The following GRM7 variants were observed in gnomAD, a reference collection of about 807,000 sequenced individuals.
The protein encoded by GRM7 is metabotropic glutamate receptor 7.
A neutral mutation model predicts 84.5 loss-of-function variants in GRM7; 35 were observed. That is an observed-to-expected ratio of 0.41 (90% CI 0.32 to 0.55). The LOEUF (loss-of-function observed/expected upper bound fraction) is 0.55, where lower values mean the gene tolerates loss of function less well. Ranked by LOEUF, GRM7 falls within the 20% of genes least tolerant of loss-of-function variation. The probability of loss-of-function intolerance (pLI) is 0.19; values close to 1 mark genes in which losing one functional copy is unlikely to be tolerated. For synonymous variants in GRM7, 487 were observed against 455.1 expected (o/e 1.07, Z -0.89); for missense variants, 1,003 against 1,194.6 (o/e 0.84, Z 2.36).
chr3:7,645,436 A>G (rs947553536), intron 8 of GRM7, among the ~76,000 whole-genome samples: 2 of 150,730 alleles, frequency 1.3e-5, no homozygotes, highest in African/African-American at 2.4e-5. Flanking sequence ...AATCCCAGCT[A>G]CTCGGGAGGC....
chr3:7,428,829 C>T lies in GRM7; in HGVS notation c.1174+13666C>T, dbSNP rs373589513. Among the ~76,000 whole-genome samples, 137 of 152,262 alleles carry T rather than the reference C, an allele frequency of 9.0e-4. 5 individuals carry two copies. In the South Asian group the frequency reaches 0.026, roughly 29 times the overall value. On this transcript the variant is annotated intron_variant, in intron 5 of 9. Transcript: ENST00000357716. ...TATTTTTTATCTTATGAAACATACA[C>T]ACTATATCTGTTGTTAATTTTCTTC...
chr3:7,699,611 C>T (rs921083395), intron 9 of GRM7, among the ~76,000 whole-genome samples: 4 of 152,048 alleles, frequency 2.6e-5, no homozygotes. Context: ...CAAAAATTAG[C>T]GAATTTTTTT....
chr3:6,978,224 G>C (rs1380923749), intron 1 of GRM7, among the ~76,000 whole-genome samples: 1 of 151,710 alleles, frequency 6.6e-6, no homozygotes, highest in Non-Finnish European at 1.5e-5. Context: ...TGTAGAGGGA[G>C]GCAAGATGGT....
intron 9 of GRM7, among the ~76,000 whole-genome samples, chr3:7,717,554 C>G (rs1171437256): frequency 1.3e-5 from 2 of 152,138 alleles, no homozygotes; most frequent in South Asian, 4.1e-4. Flanking sequence ...GAAATTATAA[C>G]CAGCTAAACG....
intron 1 of GRM7, among the ~76,000 whole-genome samples, chr3:6,953,359 A>C (rs1692873603): frequency 6.6e-6 from 1 of 152,204 alleles, no homozygotes; most frequent in African/African-American, 2.4e-5. Context: ...AGGTTCTGGC[A>C]ACTGTTGCCC....
At chr3:7,679,974 A>ACATCGCTTTT (rs1402755344) in intron 8 of GRM7, 75 bp from the exon 9 acceptor site, 1 of 1,386,282 alleles carries the variant, frequency 7.2e-7, no homozygotes, top group African/African-American at 1.4e-5. Context: ...GTCGTTCTTG[A>ACATCGCTTTT]CATCGCTTTA....
intron 7 of GRM7, among the ~76,000 whole-genome samples, chr3:7,547,714 T>C (rs1309423224): frequency 6.6e-6 from 1 of 152,168 alleles, no homozygotes; most frequent in Non-Finnish European, 1.5e-5. Flanking sequence ...TGGTGGCCTA[T>C]AAAATGATCC....
rs532860004 is a variant in GRM7, at chr3:7,069,967, A to G, written c.520-76485A>G. Among the ~76,000 whole-genome samples the G allele has an allele frequency of 2.0e-5, 3 of 152,182 alleles. No homozygotes were observed. In the South Asian group the frequency reaches 6.2e-4, roughly 31 times the overall value. ...ATAAATACTGAGGGTGAATCCACCTATTTACTATATAGTATTTTCCTTTGA... is the reference window on the plus strand; with the variant it reads ...ATAAATACTGAGGGTGAATCCACCTGTTTACTATATAGTATTTTCCTTTGA... On this transcript the variant is annotated intron_variant, in intron 1 of 9. Transcript: ENST00000357716.
At chr3:7,685,480 A>T (rs1467123036) in intron 9 of GRM7, among the ~76,000 whole-genome samples, 1 of 152,032 alleles carries the variant, frequency 6.6e-6, no homozygotes, top group East Asian at 1.9e-4. Flanking sequence ...CGAGGGACAC[A>T]CCCTTTTTTT....
intron 1 of GRM7, among the ~76,000 whole-genome samples, chr3:7,072,753 T>C (rs1177657740): frequency 6.6e-6 from 1 of 152,180 alleles, no homozygotes; most frequent in East Asian, 1.9e-4. Context: ...GTAATATCCC[T>C]CAACATTGCA....
intron 1 of GRM7, among the ~76,000 whole-genome samples, chr3:6,880,021 G>T (rs1196220563): frequency 6.6e-6 from 1 of 152,150 alleles, no homozygotes; most frequent in Non-Finnish European, 1.5e-5. Flanking sequence ...GTGGAGCAAA[G>T]AAAGTATTTA....
intron 8 of GRM7, among the ~76,000 whole-genome samples, chr3:7,626,206 A>G (rs1377291267): frequency 2.0e-5 from 3 of 152,108 alleles, no homozygotes; most frequent in South Asian, 4.1e-4. Flanking sequence ...CCCCTCCCAG[A>G]ACCTCACTTT....
rs758304014 is a variant in GRM7 at position 7,146,633 on chromosome 3, G to T, written c.701G>T (p.Gly234Val). The T allele has an allele frequency of 2.5e-6, 4 of 1,613,800 alleles. No individual in the cohort carries two copies. Among genetic ancestry groups the T allele is most frequent in the South Asian group, 2.2e-5 (2 of 91,084 alleles). The change falls in exon 2 of 10, where the codon GGT (glycine) becomes GTT (valine). Residue 234 changes from glycine to valine, a missense_variant. Around this residue, in one of 2 missense-constraint regions of GRM7, gnomAD observed 910 missense variants for 1,126.0 expected, o/e 0.81. Coordinates refer to ENST00000357716, the MANE Select transcript of GRM7 (RefSeq NM_000844.4). ...LASEGSYGEKGVESFTQISKE... is the reference protein window; with the variant it reads ...LASEGSYGEKVVESFTQISKE... ...TCGGAAGGAAGTTATGGAGAGAAAG[G>T]TGTGGAGTCCTTCACGCAGATTTCC... is the stretch of plus-strand genomic sequence containing the variant.
chr3:7,649,740 C>A (rs1026386252), intron 8 of GRM7, among the ~76,000 whole-genome samples: 4 of 152,022 alleles, frequency 2.6e-5, no homozygotes, highest in Admixed American at 2.0e-4. Flanking sequence ...TATTTACCAT[C>A]CTCCTCCCTA....
chr3:7,654,031 T>C (rs551830353), intron 8 of GRM7, among the ~76,000 whole-genome samples: 3 of 152,128 alleles, frequency 2.0e-5, no homozygotes, highest in Non-Finnish European at 2.9e-5. Context: ...GCCAGAAAAC[T>C]TATAATCATG....
At chr3:7,411,268 T>A (rs1440751820) in intron 4 of GRM7, among the ~76,000 whole-genome samples, 1 of 152,176 alleles carries the variant, frequency 6.6e-6, no homozygotes, top group Non-Finnish European at 1.5e-5. Context: ...TTTAGGGGGT[T>A]AGGACATGGA....
At chr3:7,616,861 T>C (rs1697104301) in intron 8 of GRM7, among the ~76,000 whole-genome samples, 1 of 152,156 alleles carries the variant, frequency 6.6e-6, no homozygotes, top group Non-Finnish European at 1.5e-5. Context: ...GTGAAAGTTG[T>C]GCTTTCTGGA....
In GRM7 at chr3:6,867,283, T is replaced by C. The variant is rs142304315; in HGVS notation, c.519+5376T>C. ...AAAAATCAGGCTGTAGATAACACTT[T>C]CTTTACTTTAAACATAATTCTTTTA... On this transcript the variant is annotated intron_variant, in intron 1 of 9. Transcript: ENST00000357716. Among the ~76,000 whole-genome samples, 103 of 152,316 alleles carry C rather than the reference T, an allele frequency of 6.8e-4. 1 individual carries two copies. The highest frequency in any genetic ancestry group is 1.3e-3 in the Non-Finnish European group (91 of 68,026).
At chr3:7,057,085 T>C (rs1285764911) in intron 1 of GRM7, among the ~76,000 whole-genome samples, 1 of 151,986 alleles carries the variant, frequency 6.6e-6, no homozygotes, top group Non-Finnish European at 1.5e-5. Flanking sequence ...TTAGGTTCAT[T>C]TCAAGAGCAT....
Sources: allele counts gnomAD v4.1 joint callset (sites outside exome capture counted in the v4.1 genomes callset), GRCh38; gene constraint gnomAD v4.1.1; regional missense constraint gnomAD v4.1.1; transcripts MANE v1.5; gene names NCBI Gene and HGNC (gene_info 2026-07-23, HGNC 2026-07-21).